UBE2T: variants seen among roughly 807,000 people sequenced by gnomAD.
UBE2T encodes the protein ubiquitin-conjugating enzyme E2 T.
Under a neutral mutation model 23.3 loss-of-function variants are expected in UBE2T, and 15 were observed. The observed-to-expected ratio is 0.64, with a 90% confidence interval of 0.43 to 0.99. The LOEUF is 0.99. Ranked by LOEUF, UBE2T falls within the 50% of genes least tolerant of loss-of-function variation. The pLI, the probability that UBE2T is intolerant of heterozygous loss-of-function variation, is 0.00. For synonymous variants in UBE2T, 67 were observed against 78.4 expected (o/e 0.85, Z 0.77); for missense variants, 197 against 234.9 (o/e 0.84, Z 1.05).
At chr1:202,337,746 T>A (rs1270557327) in intron 1 of UBE2T, among the ~76,000 whole-genome samples, 1 of 152,202 alleles carries the variant, frequency 6.6e-6, no homozygotes. Flanking sequence ...TTTCCCAGCT[T>A]TACTGAGGTA....
rs1654851193 is a variant in UBE2T at position 202,334,982 on chromosome 1, T to C, written c.179+7A>G. ...CCATGTAGGTTGAGAAGCTGATTCATACTAACCTCTCAGGAATGATAACTT... is the reference window on the plus strand; with the variant it reads ...CCATGTAGGTTGAGAAGCTGATTCACACTAACCTCTCAGGAATGATAACTT... On this transcript the variant is annotated splice_region_variant and intron_variant, in intron 3 of 6. Coordinates refer to ENST00000646651, the MANE Select transcript of UBE2T (RefSeq NM_014176.4). 1.9e-6 allele frequency: 3 copies of C among 1,611,394 alleles called. No individual in the cohort carries two copies. Among genetic ancestry groups the C allele is most frequent in the Non-Finnish European group, 2.5e-6 (3 of 1,178,542 alleles).
Position 202,335,235 on chromosome 1 carries a change from G to A in UBE2T, c.110-177C>T. 2 of 594,784 alleles carry A rather than the reference G, an allele frequency of 3.4e-6. No individual in the cohort carries two copies. Among genetic ancestry groups the A allele is most frequent in the Non-Finnish European group, 5.9e-6 (2 of 339,688 alleles). 36.8% of individuals were successfully genotyped at this position (594,784 alleles called of 1,614,324 possible). On this transcript the variant is annotated intron_variant, in intron 2 of 6. Coordinates refer to ENST00000646651, the MANE Select transcript of UBE2T (RefSeq NM_014176.4). This position sits in a 1 kb window ranked among gnomAD's most constrained non-coding sequence, Gnocchi z 4.0. The stretch of plus-strand genomic sequence containing the variant: ...ACCACAATGCTAATGTACTCAAAAA[G>A]TTAATGGTGTCAAACAAAGGACATA...
rs1654816051 is a variant in UBE2T, at chr1:202,333,561, A to G, written c.180-6T>C. On this transcript the variant is annotated splice_polypyrimidine_tract_variant and splice_region_variant and intron_variant, in intron 3 of 6. Transcript: ENST00000646651. ...GAGGAGGTTCAAATGGGTACCTATG[A>G]AAGAATAAGACAACAGATAATTTTC... The G allele has an allele frequency of 1.9e-6, 3 of 1,606,188 alleles. No individual in the cohort carries two copies. Among genetic ancestry groups the G allele is most frequent in the Admixed American group, 3.4e-5 (2 of 59,610 alleles).
intron 1 of UBE2T, among the ~76,000 whole-genome samples, chr1:202,341,307 G>A (rs1654996586): frequency 6.6e-6 from 1 of 151,976 alleles, no homozygotes; most frequent in Admixed American, 6.6e-5. Context: ...GGCCGGGCGC[G>A]GTGGCTCACG....
rs202022331 is a variant in UBE2T at position 202,333,188 on chromosome 1, G to A, written c.384+49C>T. On this transcript the variant is annotated intron_variant, in intron 5 of 6. Coordinates refer to ENST00000646651, the MANE Select transcript of UBE2T (RefSeq NM_014176.4). The stretch of plus-strand genomic sequence containing the variant: ...TATCCTCACACAGGGAGAGTTAGCG[G>A]TATAGACAAGGTAGGATATGTGTTG... The A allele has an allele frequency of 3.0e-5, 49 of 1,609,150 alleles. 1 individual carries two copies. The East Asian group carries it at 1.0e-3, about 33-fold the overall frequency.
In UBE2T at chr1:202,333,303, A is replaced by G; in HGVS notation, c.318T>C (p.Thr106=). 3 of 1,614,226 alleles carry G rather than the reference A, an allele frequency of 1.9e-6. No individual in the cohort carries two copies. Among genetic ancestry groups the G allele is most frequent in the Admixed American group, 3.3e-5 (2 of 60,016 alleles). Residue 106 remains threonine (T), a synonymous_variant, in exon 5 of 7, where the codon ACT becomes ACC. Coordinates refer to ENST00000646651, the MANE Select transcript of UBE2T (RefSeq NM_014176.4). The part of the protein sequence containing the change: ...GAWRPSLNIA[T]VLTSIQLLMS... ...TGAGCAGCTGAATAGAGGTCAACAC[A>G]GTTGCGATGTTGAGGGATGGTCTCC...
At chr1:202,334,491 T>C (rs778752107) in intron 3 of UBE2T, among the ~76,000 whole-genome samples, 2 of 152,156 alleles carry the variant, frequency 1.3e-5, no homozygotes, top group African/African-American at 2.4e-5. Context: ...AGTTTACCTA[T>C]ATAACAAACT....
chr1:202,336,438 C>T (rs1019577866), intron 1 of UBE2T, among the ~76,000 whole-genome samples: 1 of 152,088 alleles, frequency 6.6e-6, no homozygotes, highest in South Asian at 2.1e-4. Flanking sequence ...AGTTTTTCCA[C>T]TCCCTTCTTG....
intron 1 of UBE2T, among the ~76,000 whole-genome samples, chr1:202,336,682 C>T (rs1237738519): frequency 6.6e-6 from 1 of 152,194 alleles, no homozygotes; most frequent in East Asian, 1.9e-4. Context: ...TCTACATATG[C>T]TTTGTGAGAG....
At chr1:202,337,420 C>T (rs1654912798) in intron 1 of UBE2T, among the ~76,000 whole-genome samples, 1 of 152,196 alleles carries the variant, frequency 6.6e-6, no homozygotes, top group Non-Finnish European at 1.5e-5. Context: ...GATATTCCTA[C>T]ATAGCCTTCA....
rs1654813726 is a variant in UBE2T at position 202,333,489 on chromosome 1, A to G, written c.246T>C (p.Ala82=). The change falls in exon 4 of 7, where the codon GCT becomes GCC. Residue 82 remains alanine, a synonymous_variant. Transcript: ENST00000646651. The part of the protein sequence containing the change: ...TPIYHPNIDS[A]GRICLDVLKL... ...TGAGAACATCCAGACAAATCCTTCCAGCAGAATCAATGTTTGGATGATAAA... is the reference window on the plus strand; with the variant it reads ...TGAGAACATCCAGACAAATCCTTCCGGCAGAATCAATGTTTGGATGATAAA... The G allele has an allele frequency of 6.2e-7, 1 of 1,614,090 alleles. No homozygotes were observed. The highest frequency in any genetic ancestry group is 1.3e-5 in the African/African-American group (1 of 74,930).
chr1:202,333,356 A>C, intron 4 of UBE2T, 21 bp from the exon 5 acceptor site: 1 of 1,614,008 alleles, frequency 6.2e-7, no homozygotes, highest in Non-Finnish European at 8.5e-7. Context: ...ACAGATGAAC[A>C]GTTGCTTTTA....
Position 202,335,064 on chromosome 1 carries a change from A to G in UBE2T, c.110-6T>C. 1 of 1,602,974 alleles carries G rather than the reference A, an allele frequency of 6.2e-7. No homozygotes were observed. Among genetic ancestry groups the G allele is most frequent in the Non-Finnish European group, 8.5e-7 (1 of 1,173,750 alleles). ...GTTGGCTCCACCTAATATTTCTTAA[A>G]AGAAAAAAGAAAGAAAAAGTTAAAA... On this transcript the variant is annotated splice_region_variant and splice_polypyrimidine_tract_variant and intron_variant, in intron 2 of 6. Coordinates refer to ENST00000646651, the MANE Select transcript of UBE2T (RefSeq NM_014176.4). The surrounding 1 kb of genome is among the most constrained non-coding windows in gnomAD (Gnocchi z 4.0).
chr1:202,339,769 G>A (rs1654960987), intron 1 of UBE2T, among the ~76,000 whole-genome samples: 1 of 152,128 alleles, frequency 6.6e-6, no homozygotes, highest in Non-Finnish European at 1.5e-5. Context: ...GCTGGGCACG[G>A]TGGCTCACAC....
At chr1:202,334,373 TAC>T (rs1654835799) in intron 3 of UBE2T, among the ~76,000 whole-genome samples, 1 of 152,150 alleles carries the variant, frequency 6.6e-6, no homozygotes, top group African/African-American at 2.4e-5. Flanking sequence ...CACTGGGGCC[TAC>T]CTGAGGGTGG....
At chr1:202,337,013 G>A (rs1255140118) in intron 1 of UBE2T, among the ~76,000 whole-genome samples, 2 of 152,026 alleles carry the variant, frequency 1.3e-5, no homozygotes, top group East Asian at 1.9e-4. Context: ...GTGCGATCTC[G>A]GCTCACTGCA....
chr1:202,331,971 GACAGGGTGAAAC>G lies in UBE2T; in HGVS notation c.469-23_469-12del. The G allele has an allele frequency of 6.2e-7, 1 of 1,613,870 alleles. No homozygotes were observed. The highest frequency in any genetic ancestry group is 1.1e-5 in the South Asian group (1 of 91,050). ...CTCTTCCTCATCAGCCTAAAGAGGA[GACAGGGTGAAAC>G]ACAGTAAGGTTCACACAAATGCCAG... On this transcript the variant is annotated splice_polypyrimidine_tract_variant and intron_variant, in intron 6 of 6. Transcript: ENST00000646651.
chr1:202,338,612 C>CCAAT (rs1654935628), intron 1 of UBE2T, among the ~76,000 whole-genome samples: 1 of 152,138 alleles, frequency 6.6e-6, no homozygotes, highest in Non-Finnish European at 1.5e-5. Flanking sequence ...TTCCACACTG[C>CCAAT]CAATCATGTC....
In UBE2T at chr1:202,333,465, G is replaced by A; in HGVS notation, c.270C>T (p.Leu90=). Reference sequence around the variant, plus strand: ...CACAACTCACTTTTGGTGGCAATTTGAGAACATCCAGACAAATCCTTCCAG... The same window carrying A: ...CACAACTCACTTTTGGTGGCAATTTAAGAACATCCAGACAAATCCTTCCAG... ...DSAGRICLDV[L]KLPPKGAWRP... is the part of the protein sequence containing the mutation. Residue 90 remains leucine, a synonymous_variant, in exon 4 of 7, where the codon CTC becomes CTT. Coordinates refer to ENST00000646651, the MANE Select transcript of UBE2T (RefSeq NM_014176.4). The A allele has an allele frequency of 2.5e-6, 4 of 1,614,188 alleles. No individual in the cohort carries two copies. Among genetic ancestry groups the A allele is most frequent in the Non-Finnish European group, 3.4e-6 (4 of 1,180,036 alleles).
Sources: allele counts gnomAD v4.1 joint callset (sites outside exome capture counted in the v4.1 genomes callset), GRCh38; gene constraint gnomAD v4.1.1; non-coding constraint Gnocchi (gnomAD v3.1); transcripts MANE v1.5; gene names NCBI Gene and HGNC (gene_info 2026-07-23, HGNC 2026-07-21).